UNC80: variants seen among roughly 807,000 people sequenced by gnomAD.
The protein encoded by UNC80 is protein unc-80 homolog.
In UNC80, 164 loss-of-function variants were observed where a neutral mutation model predicts 384.6. The ratio of observed to expected loss-of-function variants is 0.43; its 90% CI spans 0.38 to 0.49. The LOEUF (loss-of-function observed/expected upper bound fraction) is 0.49, where lower values mean the gene tolerates loss of function less well. Among genes scored for constraint, UNC80 ranks in the 20% least tolerant of loss-of-function variants. The pLI is 0.00. For synonymous variants in UNC80, 1,486 were observed against 1,527.8 expected (o/e 0.97, Z 0.64); for missense variants, 3,330 against 4,143.0 (o/e 0.80, Z 5.39).
intron 55 of UNC80, among the ~76,000 whole-genome samples, chr2:209,972,851 C>T (rs980277830): frequency 1.7e-4 from 26 of 152,166 alleles, no homozygotes; most frequent in African/African-American, 6.3e-4. Context: ...GCTAAGACCA[C>T]AGGTTGTTGG....
At chr2:209,929,207 T>G (rs1335163022) in intron 36 of UNC80, among the ~76,000 whole-genome samples, 1 of 152,218 alleles carries the variant, frequency 6.6e-6, no homozygotes, top group Non-Finnish European at 1.5e-5. Flanking sequence ...ACGTTGAAAC[T>G]AAAGACCATT....
In UNC80 at chr2:209,888,194, T is replaced by C. The variant is rs2086005562; in HGVS notation, c.4210T>C (p.Ser1404Pro). The change falls in exon 26 of 65, where the codon TCA (serine) becomes CCA (proline). Residue 1404 changes from serine to proline, a missense_variant. Physicochemically the swap from Ser to Pro is moderately conservative, Grantham distance 74. Coordinates refer to ENST00000673920, the MANE Select transcript of UNC80 (RefSeq NM_001371986.1). ...TGGGGTCCTGGACGAAAATGAAGAC[T>C]CAAAAGATTCTCTCCACAGCAGCAG... ...FAGVLDENED[S>P]KDSLHSSSHT... 1 of 1,551,462 alleles carries C rather than the reference T, an allele frequency of 6.4e-7. No homozygotes were observed. Among genetic ancestry groups the C allele is most frequent in the Non-Finnish European group, 8.7e-7 (1 of 1,146,976 alleles).
chr2:209,799,279 G>T (rs537899600), intron 7 of UNC80, among the ~76,000 whole-genome samples: 25 of 151,956 alleles, frequency 1.6e-4, no homozygotes, highest in African/African-American at 6.0e-4. Context: ...TCCTTGAAAA[G>T]GTCCTTCATA....
chr2:209,862,279 G>A lies in UNC80; in HGVS notation c.3628-10479G>A, dbSNP rs146201217. 5.9e-3 allele frequency among the ~76,000 whole-genome samples: 897 copies of A among 151,620 alleles called. 10 individuals carry two copies. The highest frequency in any genetic ancestry group is 0.021 in the African/African-American group (867 of 41,442). ...CAAATAACTTCTTGCTATGTGGTGC[G>A]GAGAAGAATGTATGTTCTGTTGATT... On this transcript the variant is annotated intron_variant, in intron 22 of 64. Coordinates refer to ENST00000673920, the MANE Select transcript of UNC80 (RefSeq NM_001371986.1).
At chr2:209,972,749 T>G (rs1435206131) in intron 55 of UNC80, among the ~76,000 whole-genome samples, 1 of 152,220 alleles carries the variant, frequency 6.6e-6, no homozygotes, top group Non-Finnish European at 1.5e-5. Flanking sequence ...GTAGAGGGAT[T>G]CTTTTAGGAA....
Position 209,976,129 on chromosome 2 carries a change from G to C in UNC80, c.8598G>C (p.Val2866=). The C allele has an allele frequency of 1.2e-5, 18 of 1,551,236 alleles. No homozygotes were observed. Among genetic ancestry groups the C allele is most frequent in the Non-Finnish European group, 1.6e-5 (18 of 1,146,820 alleles). Reference sequence around the variant, plus strand: ...TTTCCCGGTGTGAAGCGCTGAAGGTGATTCTCGTCTGCTTTGAGAGGCAGC... The same window carrying C: ...TTTCCCGGTGTGAAGCGCTGAAGGTCATTCTCGTCTGCTTTGAGAGGCAGC... ...TSQAAYLALK[V]ILVCFERQLG... is the part of the protein sequence containing the mutation. The change falls in exon 57 of 65, where the codon GTG becomes GTC. Residue 2866 remains valine, a synonymous_variant. Coordinates refer to ENST00000673920, the MANE Select transcript of UNC80 (RefSeq NM_001371986.1). This position sits in a 1 kb window ranked among gnomAD's most constrained non-coding sequence, Gnocchi z 4.3.
At chr2:209,959,053 G>A in intron 49 of UNC80, 66 bp from the exon 50 acceptor site, 2 of 1,396,126 alleles carry the variant, frequency 1.4e-6, no homozygotes, top group South Asian at 2.5e-5. Context: ...AAGTCGATAA[G>A]AAGCCCCAAC....
intron 47 of UNC80, among the ~76,000 whole-genome samples, chr2:209,949,068 T>C (rs1349838453): frequency 2.6e-5 from 4 of 152,232 alleles, no homozygotes; most frequent in Non-Finnish European, 4.4e-5. Context: ...TGTATAATTA[T>C]CATTTTTCAG....
chr2:209,907,073 G>C (rs954602407), intron 29 of UNC80, among the ~76,000 whole-genome samples: 2 of 152,084 alleles, frequency 1.3e-5, no homozygotes, highest in African/African-American at 4.8e-5. Context: ...GATTCTTCAA[G>C]TGTTAAGCAC....
intron 27 of UNC80, among the ~76,000 whole-genome samples, chr2:209,895,867 A>C (rs915875172): frequency 2.0e-5 from 3 of 152,180 alleles, no homozygotes; most frequent in Non-Finnish European, 2.9e-5. Context: ...CTGGTAGCAA[A>C]GCCTGGTGGC....
intron 51 of UNC80, among the ~76,000 whole-genome samples, chr2:209,960,576 C>A (rs545452649): frequency 3.9e-5 from 6 of 152,272 alleles, no homozygotes; most frequent in Non-Finnish European, 7.4e-5. Flanking sequence ...TTCCAAATAA[C>A]GTTGCAATTT....
At chr2:209,908,290 A>G (rs1433924992) in intron 29 of UNC80, among the ~76,000 whole-genome samples, 1 of 152,210 alleles carries the variant, frequency 6.6e-6, no homozygotes, top group Non-Finnish European at 1.5e-5. Context: ...ATGGCAGAGT[A>G]TATTTGTGGC....
rs1166133459 is a variant in UNC80 at position 209,933,935 on chromosome 2, C to T, written c.6108C>T (p.Phe2036=). The part of the protein sequence containing the change: ...EVVGYVEGLF[F]KDLKQTMKKE... ...TGGGTTACGTGGAGGGCCTCTTCTT[C>T]AAGGATCTCAAGCAGACGATGAAGA... Residue 2036 remains phenylalanine, a synonymous_variant, in exon 39 of 65, where the codon TTC becomes TTT. Coordinates refer to ENST00000673920, the MANE Select transcript of UNC80 (RefSeq NM_001371986.1). 6.4e-7 allele frequency: 1 copy of T among 1,550,956 alleles called. No individual in the cohort carries two copies. Among genetic ancestry groups the T allele is most frequent in the Non-Finnish European group, 8.7e-7 (1 of 1,146,844 alleles).
chr2:209,930,834 G>T, intron 37 of UNC80, 134 bp from the exon 38 acceptor site: 1 of 594,104 alleles, frequency 1.7e-6, no homozygotes, highest in Non-Finnish European at 3.0e-6. Context: ...TTAAAATGTT[G>T]AACATAATTG....
Position 209,774,262 on chromosome 2 carries a change from A to T in UNC80, c.141+1120A>T, listed in dbSNP as rs574147074. On this transcript the variant is annotated intron_variant, in intron 2 of 64. Coordinates refer to ENST00000673920, the MANE Select transcript of UNC80 (RefSeq NM_001371986.1). ...CAATGTTGTCACAAACACATTTTTTAAAATATAACTTTCTTATAAGGACCT... is the reference window on the plus strand; with the variant it reads ...CAATGTTGTCACAAACACATTTTTTTAAATATAACTTTCTTATAAGGACCT... 6.5e-4 allele frequency among the ~76,000 whole-genome samples: 99 copies of T among 152,348 alleles called. 1 individual carries two copies. The highest frequency in any genetic ancestry group is 1.6e-3 in the African/African-American group (67 of 41,590).
rs774802312 is a variant in UNC80 at position 209,954,107 on chromosome 2, A to T, written c.7294A>T (p.Met2432Leu). Residue 2432 changes from methionine to leucine, a missense_variant, in exon 48 of 65, where the codon ATG (methionine) becomes TTG (leucine). By Grantham distance (15) the Met-to-Leu change is conservative. This residue lies in a region of UNC80 where 1,049 missense variants were observed against 1,488.6 expected (regional missense o/e 0.70). Coordinates refer to ENST00000673920, the MANE Select transcript of UNC80 (RefSeq NM_001371986.1). Reference protein sequence around the residue: ...YAPESFRSLQMLMVLEALVPC... With the variant: ...YAPESFRSLQLLMVLEALVPC... ...TCTTTCTGTCGCTTAAAGTCTTCAGATGCTGATGGTCTTAGAAGCCTTAGT... is the reference window on the plus strand; with the variant it reads ...TCTTTCTGTCGCTTAAAGTCTTCAGTTGCTGATGGTCTTAGAAGCCTTAGT... 8 of 1,546,396 alleles carry T rather than the reference A, an allele frequency of 5.2e-6. No homozygotes were observed. The South Asian group carries it at 9.6e-5, about 19-fold the overall frequency.
intron 35 of UNC80, among the ~76,000 whole-genome samples, chr2:209,922,931 A>T (rs2090152097): frequency 6.6e-6 from 1 of 152,212 alleles, no homozygotes; most frequent in Non-Finnish European, 1.5e-5. Flanking sequence ...TATTGACCAT[A>T]TGTATATCTT....
At chr2:209,954,676 A>G (rs1243030235) in intron 48 of UNC80, among the ~76,000 whole-genome samples, 1 of 152,228 alleles carries the variant, frequency 6.6e-6, no homozygotes, top group Non-Finnish European at 1.5e-5. Flanking sequence ...TACAATTCCA[A>G]CTAAGTATTC....
At chr2:209,930,420 T>G (rs2090763112) in intron 37 of UNC80, among the ~76,000 whole-genome samples, 1 of 152,146 alleles carries the variant, frequency 6.6e-6, no homozygotes, top group Non-Finnish European at 1.5e-5. Context: ...TGATTAAAAA[T>G]TATTTGTTCA....
Sources: gnomAD v4.1 joint callset for allele counts (sites outside exome capture counted in the v4.1 genomes callset) on GRCh38, gnomAD v4.1.1 for gene constraint, gnomAD v4.1.1 regional missense constraint, Gnocchi (gnomAD v3.1) non-coding constraint, MANE v1.5 for transcripts, NCBI Gene and HGNC (gene_info 2026-07-23, HGNC 2026-07-21) for gene names.